Variants in NTN1 observed in about 807,000 individuals in gnomAD.
The protein encoded by NTN1 is netrin 1.
NTN1 carries 11 observed loss-of-function variants against 54.2 expected under a neutral mutation model. The ratio of observed to expected loss-of-function variants is 0.20; its 90% CI spans 0.13 to 0.34. The LOEUF is 0.34. Ranked by LOEUF, NTN1 falls within the 10% of genes least tolerant of loss-of-function variation. NTN1 has a pLI of 1.00. For missense variants in NTN1, 740 were observed against 893.1 expected, an observed-to-expected ratio of 0.83 and a Z score of 2.18; for synonymous variants, 371 against 382.0, an observed-to-expected ratio of 0.97 and a Z score of 0.33.
rs1438073428 is a variant in NTN1 at position 9,239,538 on chromosome 17, C to T, written c.1487-102C>T. On this transcript the variant is annotated intron_variant, in intron 6 of 6. Coordinates refer to ENST00000173229, the MANE Select transcript of NTN1 (RefSeq NM_004822.3). This position sits in a 1 kb window ranked among gnomAD's most constrained non-coding sequence, Gnocchi z 5.2. ...CTGTATGGGCCACTCTGTGCAGTCA[C>T]TTCCTGGGGCTGGGTCTCCTTTCCC... 1 of 1,204,414 alleles carries T rather than the reference C, an allele frequency of 8.3e-7. No individual in the cohort carries two copies. The highest frequency in any genetic ancestry group is 2.1e-5 in the Admixed American group (1 of 48,160). 74.6% of individuals were successfully genotyped at this position (1,204,414 alleles called of 1,614,324 possible). A position where few individuals can be genotyped will look rare whatever the true frequency, so the allele number is the denominator to read the frequency against.
At chr17:9,024,408 C>T (rs970212562) in intron 2 of NTN1, among the ~76,000 whole-genome samples, 1 of 152,236 alleles carries the variant, frequency 6.6e-6, no homozygotes, top group African/African-American at 2.4e-5. Context: ...ATTATTTAGT[C>T]TGTAAATGTC....
At chr17:9,062,273 C>T (rs1483765048) in intron 2 of NTN1, among the ~76,000 whole-genome samples, 1 of 152,190 alleles carries the variant, frequency 6.6e-6, no homozygotes, top group Non-Finnish European at 1.5e-5. Flanking sequence ...TTTTATTCCC[C>T]TTTCTGGGCT....
intron 2 of NTN1, among the ~76,000 whole-genome samples, chr17:9,116,189 G>A (rs533673919): frequency 1.0e-3 from 154 of 152,342 alleles, no homozygotes; most frequent in Middle Eastern, 3.4e-3. Context: ...GAGTGGCTCT[G>A]CAGAACATTC....
chr17:9,053,669 A>C (rs1025539511), intron 2 of NTN1, among the ~76,000 whole-genome samples: 6 of 152,250 alleles, frequency 3.9e-5, no homozygotes, highest in Non-Finnish European at 8.8e-5. Flanking sequence ...TAGTACATAT[A>C]CAGTGGATAA....
intron 2 of NTN1, among the ~76,000 whole-genome samples, chr17:9,084,727 C>G (rs1038993954): frequency 3.5e-5 from 5 of 142,526 alleles, no homozygotes; most frequent in Non-Finnish European, 7.5e-5. Flanking sequence ...TCTCGGCTCA[C>G]TGCAACCTCC....
intron 6 of NTN1, among the ~76,000 whole-genome samples, chr17:9,234,808 C>T (rs1905925941): frequency 6.6e-6 from 1 of 152,242 alleles, no homozygotes; most frequent in African/African-American, 2.4e-5. Flanking sequence ...GGCTCCCCTC[C>T]CCAGGCAGGG....
intron 2 of NTN1, among the ~76,000 whole-genome samples, chr17:9,125,329 C>T (rs2092243559): frequency 6.6e-6 from 1 of 151,980 alleles, no homozygotes; most frequent in South Asian, 2.1e-4. Context: ...CGGGTTCAAG[C>T]AACTCTCCTG....
chr17:9,078,039 T>C (rs1037780528), intron 2 of NTN1, among the ~76,000 whole-genome samples: 2 of 151,992 alleles, frequency 1.3e-5, no homozygotes. Flanking sequence ...TGTTTGTTAA[T>C]TTGCCTGCCC....
upstream of NTN1, among the ~76,000 whole-genome samples, chr17:9,018,229 C>T (rs1180950988): frequency 6.6e-6 from 1 of 152,150 alleles, no homozygotes; most frequent in East Asian, 1.9e-4. Context: ...GGTGACCCCG[C>T]TCATCCTCTC....
intron 2 of NTN1, among the ~76,000 whole-genome samples, chr17:9,101,188 G>A (rs531779125): frequency 2.1e-4 from 32 of 152,272 alleles, no homozygotes; most frequent in South Asian, 8.3e-4. Context: ...CCATGTCTGC[G>A]ACCCTAAGAT....
intron 2 of NTN1, among the ~76,000 whole-genome samples, chr17:9,096,345 T>C (rs1174537445): frequency 7.0e-6 from 1 of 143,830 alleles, no homozygotes; most frequent in African/African-American, 2.5e-5. Context: ...AGGGGCTGTC[T>C]TCCTGGGTTT....
At chr17:9,148,066 A>C (rs1213848392) in intron 2 of NTN1, among the ~76,000 whole-genome samples, 1 of 152,084 alleles carries the variant, frequency 6.6e-6, no homozygotes, top group East Asian at 1.9e-4. Flanking sequence ...CATGCTAACT[A>C]GTGACAGGGC....
At chr17:9,107,909 C>A (rs142917980) in intron 2 of NTN1, among the ~76,000 whole-genome samples, 23 of 152,310 alleles carry the variant, frequency 1.5e-4, no homozygotes, top group Middle Eastern at 6.8e-3. Context: ...CCTAAGTTTT[C>A]TTTCTGCTGT....
chr17:9,058,108 G>T (rs144086187), intron 2 of NTN1, among the ~76,000 whole-genome samples: 3 of 152,124 alleles, frequency 2.0e-5, no homozygotes, highest in Non-Finnish European at 1.5e-5. Context: ...AGGCTGATCA[G>T]AAACTCCTGA....
intron 6 of NTN1, among the ~76,000 whole-genome samples, chr17:9,235,184 C>T (rs988119920): frequency 1.3e-5 from 2 of 151,940 alleles, no homozygotes; most frequent in African/African-American, 2.4e-5. Context: ...AGGATGGTCT[C>T]GAACTCCTGA....
intron 2 of NTN1, among the ~76,000 whole-genome samples, chr17:9,039,455 A>C (rs920765374): frequency 3.3e-5 from 5 of 152,200 alleles, no homozygotes; most frequent in Non-Finnish European, 7.3e-5. Context: ...AAAATCATGA[A>C]TTGTACTTAT....
rs10641432 is a variant in NTN1 at position 9,228,820 on chromosome 17, C to CTGTGTGTGTGTGTG, written c.1486+7597_1486+7610dup. ...GTGGGGAGAAGCCAGATCTGTTCAG[C>CTGTGTGTGTGTGTG]TGTGTGTGTGTGTGTGTGTGTGTGT... On this transcript the variant is annotated intron_variant, in intron 6 of 6. Coordinates refer to ENST00000173229, the MANE Select transcript of NTN1 (RefSeq NM_004822.3). Among the ~76,000 whole-genome samples, 824 of 141,358 alleles carry CTGTGTGTGTGTGTG rather than the reference C, an allele frequency of 5.8e-3. 6 individuals carry two copies. The highest frequency in any genetic ancestry group is 0.015 in the African/African-American group (572 of 37,188). 92.7% of individuals were successfully genotyped at this position (141,358 alleles called of 152,430 possible).
chr17:9,084,653 T>G (rs8077630), intron 2 of NTN1, among the ~76,000 whole-genome samples: 13,872 of 139,440 alleles, frequency 0.099, 1,166 homozygotes, highest in African/African-American at 0.23. Context: ...CAGTTTTTTT[T>G]TTTTTTTTTT....
At chr17:9,188,378 A>G (rs1904341139) in intron 5 of NTN1, among the ~76,000 whole-genome samples, 1 of 149,080 alleles carries the variant, frequency 6.7e-6, no homozygotes, top group Non-Finnish European at 1.5e-5. Context: ...CAGTGAGCTG[A>G]GATCACACCA....
Sources: allele counts gnomAD v4.1 joint callset (sites outside exome capture counted in the v4.1 genomes callset), GRCh38; gene constraint gnomAD v4.1.1; non-coding constraint Gnocchi (gnomAD v3.1); transcripts MANE v1.5; gene names NCBI Gene and HGNC (gene_info 2026-07-23, HGNC 2026-07-21).